Variants in PARD3 observed in about 807,000 individuals in gnomAD.
PARD3 encodes partitioning defective 3 homolog.
PARD3 carries 75 observed loss-of-function variants against 155.4 expected under a neutral mutation model. The ratio of observed to expected loss-of-function variants is 0.48; its 90% CI spans 0.40 to 0.58. PARD3 has a LOEUF of 0.58. Among genes scored for constraint, PARD3 ranks in the 20% least tolerant of loss-of-function variants. PARD3 has a pLI of 0.00. For synonymous variants in PARD3, 576 were observed against 610.5 expected, an observed-to-expected ratio of 0.94 and a Z score of 0.83; for missense variants, 1,642 against 1,721.7, an observed-to-expected ratio of 0.95 and a Z score of 0.82.
chr10:34,666,774 CCCTAAAAAAA>C (rs1564481228), intron 2 of PARD3, among the ~76,000 whole-genome samples: 5 of 3,654 alleles, frequency 1.4e-3, no homozygotes, highest in African/African-American at 1.7e-3. Context: ...CTACCCCTCC[CCCTAAAAAAA>C]AAAAAAAAAA....
chr10:34,363,281 A>C (rs1490115098), intron 12 of PARD3, among the ~76,000 whole-genome samples: 1 of 151,970 alleles, frequency 6.6e-6, no homozygotes, highest in Non-Finnish European at 1.5e-5. Context: ...TGATTGCTGA[A>C]CTCTGAACCT....
chr10:34,664,711 C>T (rs537399217), intron 2 of PARD3, among the ~76,000 whole-genome samples: 12 of 152,242 alleles, frequency 7.9e-5, no homozygotes, highest in Non-Finnish European at 1.3e-4. Flanking sequence ...GTCTCGAACT[C>T]CTGACCTTAG....
chr10:34,571,421 T>G (rs2086395086), intron 2 of PARD3, among the ~76,000 whole-genome samples: 1 of 152,216 alleles, frequency 6.6e-6, no homozygotes, highest in Non-Finnish European at 1.5e-5. Flanking sequence ...AGTAAAAGGA[T>G]GATGATGATA....
intron 5 of PARD3, among the ~76,000 whole-genome samples, chr10:34,440,700 A>G (rs892694912): frequency 6.6e-6 from 1 of 152,034 alleles, no homozygotes; most frequent in Non-Finnish European, 1.5e-5. Flanking sequence ...AGAAGCAATA[A>G]ATAAAGACAG....
intron 5 of PARD3, among the ~76,000 whole-genome samples, chr10:34,447,542 C>T (rs973194901): frequency 2.9e-4 from 41 of 140,410 alleles, no homozygotes; most frequent in Non-Finnish European, 5.0e-4. Flanking sequence ...GTGGCTCACA[C>T]CTGCAATCCC....
intron 1 of PARD3, among the ~76,000 whole-genome samples, chr10:34,731,205 T>A (rs576420337): frequency 1.3e-5 from 2 of 152,366 alleles, no homozygotes; most frequent in East Asian, 3.9e-4. Flanking sequence ...CATCTTCTTT[T>A]AGGAATTCTT....
intron 3 of PARD3, among the ~76,000 whole-genome samples, chr10:34,489,544 G>A (rs746612555): frequency 4.6e-5 from 7 of 152,150 alleles, no homozygotes; most frequent in African/African-American, 1.4e-4. Flanking sequence ...ACACACTGGC[G>A]ATTAATAAAG....
At position 34,458,744 on chromosome 10, in the gene PARD3, G is replaced by A. The variant is rs529923892; in HGVS notation, c.583-8296C>T. On this transcript the variant is annotated intron_variant, in intron 4 of 24. Coordinates refer to ENST00000374788, the MANE Select transcript of PARD3 (RefSeq NM_001184785.2). ...GTTTATAAAAAATTACAAAAATGTT[G>A]TCCACTCTTAGACTCTGAGGAACTG... Among the ~76,000 whole-genome samples, 5 of 152,262 alleles carry A rather than the reference G, an allele frequency of 3.3e-5. No individual in the cohort carries two copies. In the South Asian group the frequency reaches 1.0e-3, roughly 32 times the overall value.
intron 1 of PARD3, among the ~76,000 whole-genome samples, chr10:34,741,192 T>G (rs2095009648): frequency 7.0e-6 from 1 of 143,556 alleles, no homozygotes; most frequent in African/African-American, 2.5e-5. Context: ...TTTTTTTTTT[T>G]TTGTTTGAGA....
At chr10:34,693,921 A>G (rs1212431899) in intron 2 of PARD3, among the ~76,000 whole-genome samples, 1 of 152,176 alleles carries the variant, frequency 6.6e-6, no homozygotes. Context: ...AAAAACTACT[A>G]TTCAAGTCTC....
intron 2 of PARD3, among the ~76,000 whole-genome samples, chr10:34,664,364 G>A (rs541107167): frequency 1.1e-4 from 16 of 151,820 alleles, no homozygotes; most frequent in East Asian, 5.8e-4. Context: ...CCCCAGGCCC[G>A]GCTCATTTTT....
intron 2 of PARD3, among the ~76,000 whole-genome samples, chr10:34,666,363 C>T (rs932166456): frequency 6.6e-6 from 1 of 152,132 alleles, no homozygotes; most frequent in Non-Finnish European, 1.5e-5. Context: ...ATTCCAATTA[C>T]TATTGAGTTT....
In PARD3 at chr10:34,111,006, A is replaced by G. The variant is rs1588787602; in HGVS notation, c.*163T>C. Reference sequence around the variant, plus strand: ...ACACTTGAGACATAGTGGCAAAGACATTAAGGCCTTCCATTTCTTTGCCTA... The same window carrying G: ...ACACTTGAGACATAGTGGCAAAGACGTTAAGGCCTTCCATTTCTTTGCCTA... On this transcript the variant is annotated 3_prime_UTR_variant, in exon 25 of 25. Coordinates refer to ENST00000374788, the MANE Select transcript of PARD3 (RefSeq NM_001184785.2). 3 of 673,172 alleles carry G rather than the reference A, an allele frequency of 4.5e-6. No individual in the cohort carries two copies. The East Asian group carries it at 7.9e-5, about 18-fold the overall frequency. 41.7% of individuals were successfully genotyped at this position (673,172 alleles called of 1,614,324 possible).
chr10:34,125,446 A>G (rs906548237), intron 23 of PARD3, among the ~76,000 whole-genome samples: 5 of 152,220 alleles, frequency 3.3e-5, no homozygotes, highest in African/African-American at 1.2e-4. Context: ...CAACTAAGGC[A>G]GCATTTTTTG....
At chr10:34,805,568 C>CAT (rs751628838) in intron 1 of PARD3, among the ~76,000 whole-genome samples, 5,474 of 109,248 alleles carry the variant, frequency 0.05, 126 homozygotes, top group African/African-American at 0.056. Flanking sequence ...TATATATATA[C>CAT]ACCGTACAGT....
intron 2 of PARD3, among the ~76,000 whole-genome samples, chr10:34,606,691 T>C (rs919832140): frequency 5.4e-5 from 8 of 148,490 alleles, no homozygotes; most frequent in Admixed American, 2.7e-4. Context: ...CAGCTCTGGC[T>C]GGGCATGGTG....
intron 20 of PARD3, among the ~76,000 whole-genome samples, chr10:34,297,975 G>C (rs566845138): frequency 6.6e-6 from 1 of 152,290 alleles, no homozygotes; most frequent in East Asian, 1.9e-4. Context: ...CAGAATCCTG[G>C]GTTCAAAGTC....
intron 1 of PARD3, among the ~76,000 whole-genome samples, chr10:34,728,729 C>A (rs918788140): frequency 1.3e-5 from 2 of 152,110 alleles, no homozygotes; most frequent in Non-Finnish European, 2.9e-5. Flanking sequence ...TTTCTCATTA[C>A]CTAGATGTAG....
intron 20 of PARD3, among the ~76,000 whole-genome samples, chr10:34,304,054 AAG>A (rs1321642450): frequency 6.6e-6 from 1 of 152,122 alleles, no homozygotes; most frequent in Non-Finnish European, 1.5e-5. Context: ...AGCCGGAGGA[AAG>A]AGGGCATTGT....
Sources: gnomAD v4.1 joint callset for allele counts (sites outside exome capture counted in the v4.1 genomes callset) on GRCh38, gnomAD v4.1.1 for gene constraint, MANE v1.5 for transcripts, NCBI Gene and HGNC (gene_info 2026-07-23, HGNC 2026-07-21) for gene names.